Variants in IYD observed in about 807,000 individuals in gnomAD.
The protein encoded by IYD is iodotyrosine deiodinase 1.
A neutral mutation model predicts 28.4 loss-of-function variants in IYD; 25 were observed. The ratio of observed to expected loss-of-function variants is 0.88; its 90% confidence interval spans 0.64 to 1.23. The LOEUF (loss-of-function observed/expected upper bound fraction) is 1.23. IYD is among the 50% of genes most tolerant of loss of function. The pLI, the probability that IYD is intolerant of heterozygous loss-of-function variation, is 0.00. For synonymous variants in IYD, 140 were observed against 130.8 expected, an observed-to-expected ratio of 1.07 and a Z score of -0.48; for missense variants, 352 against 357.9, an observed-to-expected ratio of 0.98 and a Z score of 0.13.
At position 150,394,248 on chromosome 6, in the gene IYD, C is replaced by A; in HGVS notation, c.680C>A (p.Ala227Asp). The change falls in exon 4 of 5, where the codon GCC becomes GAC. Residue 227 changes from alanine (A) to aspartate (D), a missense_variant. By Grantham distance (126) the Ala-to-Asp change is moderately radical (BLOSUM62 -2). Transcript: ENST00000344419. ...ATCGCTTGTGGCATCCTGCTAGCTG[C>A]CCTGCAGGTATGTTGAGACATCAAG... ...VSIACGILLAALQNAGLVTVT... is the reference protein window; with the variant it reads ...VSIACGILLADLQNAGLVTVT... 6.2e-7 allele frequency: 1 copy of A among 1,614,102 alleles called. No individual in the cohort carries two copies. The highest frequency in any genetic ancestry group is 8.5e-7 in the Non-Finnish European group (1 of 1,179,970).
intron 4 of IYD, among the ~76,000 whole-genome samples, chr6:150,394,921 G>C (rs146388230): frequency 1.3e-5 from 2 of 152,150 alleles, no homozygotes; most frequent in Admixed American, 1.3e-4. Context: ...CTTGACCCCC[G>C]GGCTTAAGTG....
Position 150,389,449 on chromosome 6 carries a change from A to G in IYD, c.276A>G (p.Glu92=). The change falls in exon 2 of 5, where the codon GAA becomes GAG. Residue 92 remains glutamate, a synonymous_variant. Coordinates refer to ENST00000344419, the MANE Select transcript of IYD (RefSeq NM_203395.3). ...PEKEMVKRSQ[E]FYELLNKRRS... ...AGGAAATGGTTAAGAGGTCTCAGGA[A>G]TTTTATGAACTTCTCAATAAGAGAC... is the stretch of plus-strand genomic sequence containing the variant. 6 of 1,613,932 alleles carry G rather than the reference A, an allele frequency of 3.7e-6. No individual in the cohort carries two copies. Among genetic ancestry groups the G allele is most frequent in the Non-Finnish European group, 5.1e-6 (6 of 1,179,810 alleles).
At chr6:150,395,302 T>TC (rs1554232414) in intron 4 of IYD, 617 of 750,480 alleles carry the variant, frequency 8.2e-4, no homozygotes, top group African/African-American at 6.8e-3. Context: ...GACAATGGAT[T>TC]AAAAAAAAAA....
chr6:150,378,871 G>A (rs994675151), intron 1 of IYD, among the ~76,000 whole-genome samples: 2 of 152,136 alleles, frequency 1.3e-5, no homozygotes, highest in Non-Finnish European at 2.9e-5. Context: ...ATTCACAATA[G>A]CAAAGACTTG....
At chr6:150,380,107 A>G (rs536673369) in intron 1 of IYD, among the ~76,000 whole-genome samples, 49 of 152,362 alleles carry the variant, frequency 3.2e-4, no homozygotes, top group African/African-American at 9.1e-4. Context: ...TATATATCAA[A>G]GGCTCAATAA....
At chr6:150,376,396 G>A (rs756907736) in intron 1 of IYD, among the ~76,000 whole-genome samples, 8 of 152,170 alleles carry the variant, frequency 5.3e-5, no homozygotes, top group Non-Finnish European at 5.9e-5. Flanking sequence ...GGGATGAGGG[G>A]ATGGTGGGAG....
chr6:150,392,584 G>C, intron 3 of IYD, 80 bp downstream of exon 3: 1 of 1,438,310 alleles, frequency 7.0e-7, no homozygotes, highest in Non-Finnish European at 9.7e-7. Context: ...TCCTGGCTTT[G>C]TTGTAAGCGT....
chr6:150,369,281 G>A (rs1471596175), intron 1 of IYD, 72 bp downstream of exon 1: 4 of 1,452,830 alleles, frequency 2.8e-6, no homozygotes, highest in Non-Finnish European at 3.8e-6. Context: ...TCAATGGCAG[G>A]GCTTATGGAG....
intron 4 of IYD, chr6:150,396,298 A>G (rs550253073): frequency 6.9e-4 from 298 of 432,690 alleles, no homozygotes; most frequent in African/African-American, 5.2e-3. Flanking sequence ...GACCTGCTAA[A>G]TTCAATCCTT....
intron 1 of IYD, among the ~76,000 whole-genome samples, chr6:150,379,656 T>C (rs1332447057): frequency 6.6e-6 from 1 of 152,200 alleles, no homozygotes; most frequent in Non-Finnish European, 1.5e-5. Context: ...CCTAAAATGT[T>C]ACTAATCGGA....
chr6:150,370,152 G>A (rs1367590821), intron 1 of IYD: 1 of 665,562 alleles, frequency 1.5e-6, no homozygotes, highest in Non-Finnish European at 2.7e-6. Flanking sequence ...AGGCCACCTG[G>A]ACATGTGAGT....
At position 150,398,192 on chromosome 6, in the gene IYD, T is replaced by C. The variant is rs1778396754; in HGVS notation, c.825T>C (p.Pro275=). The change falls in exon 5 of 5, where the codon CCT becomes CCC. Residue 275 remains proline, a synonymous_variant. Coordinates refer to ENST00000344419, the MANE Select transcript of IYD (RefSeq NM_203395.3). ...VGYPSKEATV[P]DLKRKPLDQI... is the part of the protein sequence containing the mutation. ...ACCCCAGCAAGGAGGCCACGGTGCC[T>C]GACCTCAAGCGCAAACCTCTGGACC... is the stretch of plus-strand genomic sequence containing the variant. 2 of 1,614,172 alleles carry C rather than the reference T, an allele frequency of 1.2e-6. No individual in the cohort carries two copies. Among genetic ancestry groups the C allele is most frequent in the South Asian group, 2.2e-5 (2 of 91,076 alleles).
Position 150,404,974 on chromosome 6 carries a change from C to G in IYD, c.*6737C>G, listed in dbSNP as rs1251898394. On this transcript the variant is annotated 3_prime_UTR_variant, in exon 5 of 5. Transcript: ENST00000344419. ...GATGCTGTTATAGCTTCACCAATCA[C>G]AACAAGCACAGTGCTTGGAACATAA... 1 of 152,176 alleles carries G rather than the reference C, an allele frequency of 6.6e-6. No individual in the cohort carries two copies. The highest frequency in any genetic ancestry group is 1.5e-5 in the Non-Finnish European group (1 of 68,040). The allele number at this position is 152,176 out of a possible 1,614,324, so 9.4% of individuals were successfully genotyped here. A position where few individuals can be genotyped will look rare whatever the true frequency, so the allele number is the denominator to read the frequency against.
intron 3 of IYD, 41 bp from the exon 4 acceptor site, chr6:150,394,058 A>T (rs759496221): frequency 6.2e-7 from 1 of 1,605,700 alleles, no homozygotes; most frequent in South Asian, 1.1e-5. Flanking sequence ...AGAACAAAAA[A>T]TATGGGCAAA....
At chr6:150,370,475 C>T (rs1036427201) in intron 1 of IYD, 7 of 985,112 alleles carry the variant, frequency 7.1e-6, no homozygotes, top group Admixed American at 6.2e-5. Context: ...ATCTCAGGAC[C>T]GGGGCGCAGG....
chr6:150,380,614 A>G (rs1777612727), intron 1 of IYD, among the ~76,000 whole-genome samples: 1 of 152,194 alleles, frequency 6.6e-6, no homozygotes, highest in Non-Finnish European at 1.5e-5. Context: ...CCTCTCAAAG[A>G]TTTGACAATC....
rs373245520 is a variant in IYD, at chr6:150,392,481, G to T, written c.507G>T (p.Trp169Cys). The T allele has an allele frequency of 1.9e-6, 3 of 1,613,896 alleles. No individual in the cohort carries two copies. Among genetic ancestry groups the T allele is most frequent in the Non-Finnish European group, 2.5e-6 (3 of 1,179,926 alleles). Reference sequence around the variant, plus strand: ...ACATGAAAAGGATGGGACATCGCTGGGTCACAGACCTCAAGAAACTGAGGT... The same window carrying T: ...ACATGAAAAGGATGGGACATCGCTGTGTCACAGACCTCAAGAAACTGAGGT... ...INYMKRMGHR[W>C]VTDLKKLRTN... The change falls in exon 3 of 5, where the codon TGG becomes TGT. Residue 169 changes from tryptophan (W) to cysteine (C), a missense_variant. Transcript: ENST00000344419.
chr6:150,389,555 CA>C lies in IYD; in HGVS notation c.370+13del, dbSNP rs1582793245. On this transcript the variant is annotated intron_variant, in intron 2 of 4. Transcript: ENST00000344419. ...CATCAGAACGGCAGGTTTGTAATTG[CA>C]GATGGGGTCTTTGGAAATGTTAGTC... is the stretch of plus-strand genomic sequence containing the variant. 1 of 1,610,030 alleles carries C rather than the reference CA, an allele frequency of 6.2e-7. No individual in the cohort carries two copies.
At position 150,399,541 on chromosome 6, in the gene IYD, C is replaced by T. The variant is rs1778444335; in HGVS notation, c.*1304C>T. The T allele has an allele frequency of 6.6e-6, 1 of 152,218 alleles. No individual in the cohort carries two copies. Among genetic ancestry groups the T allele is most frequent in the African/African-American group, 2.4e-5 (1 of 41,442 alleles). 9.4% of individuals were successfully genotyped at this position (152,218 alleles called of 1,614,324 possible). On this transcript the variant is annotated 3_prime_UTR_variant, in exon 5 of 5. Coordinates refer to ENST00000344419, the MANE Select transcript of IYD (RefSeq NM_203395.3). Reference sequence around the variant, plus strand: ...AACTCTTACAGCTTGGATGATTTCTCATCAAGCAACTCTACTCACCTCTTT... The same window carrying T: ...AACTCTTACAGCTTGGATGATTTCTTATCAAGCAACTCTACTCACCTCTTT...
Sources: allele counts gnomAD v4.1 joint callset (sites outside exome capture counted in the v4.1 genomes callset), GRCh38; gene constraint gnomAD v4.1.1; transcripts MANE v1.5; gene names NCBI Gene and HGNC (gene_info 2026-07-23, HGNC 2026-07-21).